Variants in NEDD9 observed in about 807,000 individuals in gnomAD.
The protein encoded by NEDD9 is neural precursor cell expressed, developmentally down-regulated 9.
Under a neutral mutation model 76.6 loss-of-function variants are expected in NEDD9, and 26 were observed. The observed-to-expected ratio is 0.34, with a 90% CI of 0.25 to 0.47. The LOEUF (loss-of-function observed/expected upper bound fraction) is 0.47. Among genes scored for constraint, NEDD9 ranks in the 20% least tolerant of loss-of-function variants. The probability of loss-of-function intolerance (pLI) is 1.00; values close to 1 mark genes in which losing one functional copy is unlikely to be tolerated. For synonymous variants in NEDD9, 392 were observed against 414.2 expected, an observed-to-expected ratio of 0.95 and a Z score of 0.65; for missense variants, 937 against 1,058.5, an observed-to-expected ratio of 0.89 and a Z score of 1.59.
intron 2 of NEDD9, among the ~76,000 whole-genome samples, chr6:11,306,519 G>A (rs1029377471): frequency 4.6e-5 from 7 of 152,174 alleles, no homozygotes; most frequent in Admixed American, 2.0e-4. Context: ...ATGGGTAGAC[G>A]TTTGCCAGAT....
chr6:11,274,588 G>T (rs1191374927), intron 3 of NEDD9, among the ~76,000 whole-genome samples: 2 of 152,176 alleles, frequency 1.3e-5, no homozygotes, highest in African/African-American at 2.4e-5. Context: ...TGTACTCTCT[G>T]TTGGGAACTG....
chr6:11,366,740 C>CT (rs576564150), intron 1 of NEDD9, among the ~76,000 whole-genome samples: 1 of 152,156 alleles, frequency 6.6e-6, no homozygotes, highest in South Asian at 2.1e-4. Flanking sequence ...AAGCAAATGA[C>CT]TTAGGGGACC....
chr6:11,188,919 C>A (rs1758051226), intron 5 of NEDD9, among the ~76,000 whole-genome samples: 2 of 151,430 alleles, frequency 1.3e-5, no homozygotes, highest in African/African-American at 4.9e-5. Context: ...AGATAGTAAG[C>A]CTAGTCCTAA....
intron 1 of NEDD9, among the ~76,000 whole-genome samples, chr6:11,338,139 C>T (rs1187526651): frequency 6.6e-6 from 1 of 152,158 alleles, no homozygotes; most frequent in Non-Finnish European, 1.5e-5. Context: ...ATTGGTTAAC[C>T]TGAAGTCACT....
intron 2 of NEDD9, among the ~76,000 whole-genome samples, chr6:11,306,934 G>C (rs1300620413): frequency 6.6e-6 from 1 of 152,194 alleles, no homozygotes; most frequent in Non-Finnish European, 1.5e-5. Flanking sequence ...AGGCTGTTTT[G>C]AGATGGTGTG....
chr6:11,325,083 C>A (rs765500523), intron 2 of NEDD9, among the ~76,000 whole-genome samples: 2 of 152,132 alleles, frequency 1.3e-5, no homozygotes. Context: ...AGGCCGGGCA[C>A]GGTGGATTAC....
At chr6:11,214,196 AT>A (rs757820239) in intron 1 of NEDD9, 1 of 518,806 alleles carries the variant, frequency 1.9e-6, no homozygotes, top group Non-Finnish European at 3.8e-6. Flanking sequence ...TACAAATAGC[AT>A]TTATATTTGG....
At chr6:11,362,663 T>G (rs1762698426) in intron 1 of NEDD9, among the ~76,000 whole-genome samples, 1 of 152,254 alleles carries the variant, frequency 6.6e-6, no homozygotes, top group South Asian at 2.1e-4. Flanking sequence ...AATCTGGCAC[T>G]GCGTTGACTA....
At chr6:11,254,058 C>A (rs1720523605) in intron 3 of NEDD9, among the ~76,000 whole-genome samples, 1 of 152,124 alleles carries the variant, frequency 6.6e-6, no homozygotes, top group African/African-American at 2.4e-5. Context: ...AGTAGAAGTA[C>A]ATGCCATGAA....
intron 2 of NEDD9, among the ~76,000 whole-genome samples, chr6:11,308,529 T>C (rs959697485): frequency 3.2e-4 from 49 of 151,660 alleles, no homozygotes; most frequent in Non-Finnish European, 5.9e-4. Flanking sequence ...GCCACTACGC[T>C]GGGCTAATTT....
intron 2 of NEDD9, among the ~76,000 whole-genome samples, chr6:11,331,328 G>A (rs1438378719): frequency 7.4e-6 from 1 of 134,580 alleles, no homozygotes; most frequent in Non-Finnish European, 1.5e-5. Flanking sequence ...ATAGTTGTGA[G>A]CATTTACTCC....
chr6:11,277,420 T>G (rs1760440732), intron 3 of NEDD9, among the ~76,000 whole-genome samples: 7 of 152,004 alleles, frequency 4.6e-5, no homozygotes, highest in Admixed American at 2.0e-4. Flanking sequence ...GGGGAAGTGG[T>G]GGAGGAAGAA....
At chr6:11,333,640 G>C (rs1402889886) in intron 2 of NEDD9, among the ~76,000 whole-genome samples, 2 of 152,244 alleles carry the variant, frequency 1.3e-5, no homozygotes, top group Admixed American at 6.5e-5. Context: ...TCCTGGCAGG[G>C]AAGGCTGTCT....
At chr6:11,240,096 A>T (rs190622930) in intron 3 of NEDD9, among the ~76,000 whole-genome samples, 1 of 151,126 alleles carries the variant, frequency 6.6e-6, no homozygotes, top group Admixed American at 6.6e-5. Context: ...GGTGGAGGGT[A>T]GTGTCTTCTA....
At position 11,212,102 on chromosome 6, in the gene NEDD9, C is replaced by T. The variant is rs112498631; in HGVS notation, c.459+1179G>A. On this transcript the variant is annotated intron_variant, in intron 2 of 6. Transcript: ENST00000379446. ...CCTAATTTACAGAGGTTTGTAAAATCAGACTTCATATTAGATTTACTTGGG... is the reference window on the plus strand; with the variant it reads ...CCTAATTTACAGAGGTTTGTAAAATTAGACTTCATATTAGATTTACTTGGG... Among the ~76,000 whole-genome samples, 692 of 152,318 alleles carry T rather than the reference C, an allele frequency of 4.5e-3. 5 individuals are homozygous for T. Among genetic ancestry groups the T allele is most frequent in the African/African-American group, 0.016 (657 of 41,566 alleles).
chr6:11,192,276 A>AC, intron 4 of NEDD9, 69 bp downstream of exon 4: 1 of 323,860 alleles, frequency 3.1e-6, no homozygotes, highest in Non-Finnish European at 5.4e-6. Flanking sequence ...CACCCTCCCA[A>AC]CCCTGCACCC....
intron 2 of NEDD9, among the ~76,000 whole-genome samples, chr6:11,313,972 C>T (rs1761463613): frequency 6.6e-6 from 1 of 152,158 alleles, no homozygotes; most frequent in African/African-American, 2.4e-5. Context: ...GGAGAACACA[C>T]AGCACAGATT....
At chr6:11,354,820 A>T (rs1245456381) in intron 1 of NEDD9, among the ~76,000 whole-genome samples, 1 of 152,172 alleles carries the variant, frequency 6.6e-6, no homozygotes, top group East Asian at 1.9e-4. Context: ...CAGCCCAAAC[A>T]GAGTTCATCC....
At position 11,216,315 on chromosome 6, in the gene NEDD9, G is replaced by T. The variant is rs147726761; in HGVS notation, c.13-2588C>A. Among the ~76,000 whole-genome samples, 446 of 152,284 alleles carry T rather than the reference G, an allele frequency of 2.9e-3. 3 individuals carry two copies. The highest frequency in any genetic ancestry group is 0.01 in the African/African-American group (418 of 41,560). On this transcript the variant is annotated intron_variant, in intron 1 of 6. Transcript: ENST00000379446. Reference sequence around the variant, plus strand: ...GGAGTATGAGTTATTTAATATCTGCGCAAGCTACAGAGAGCCAATGTCTAC... The same window carrying T: ...GGAGTATGAGTTATTTAATATCTGCTCAAGCTACAGAGAGCCAATGTCTAC...
Sources: gnomAD v4.1 joint callset for allele counts (sites outside exome capture counted in the v4.1 genomes callset) on GRCh38, gnomAD v4.1.1 for gene constraint, MANE v1.5 for transcripts, NCBI Gene and HGNC (gene_info 2026-07-23, HGNC 2026-07-21) for gene names.